The following TSPAN3 variants were observed in gnomAD, a reference collection of about 807,000 sequenced individuals.
TSPAN3 encodes tetraspanin-3.
TSPAN3 carries 9 observed loss-of-function variants against 31.1 expected under a neutral mutation model. The observed-to-expected ratio is 0.29, with a 90% CI of 0.17 to 0.50. The LOEUF (loss-of-function observed/expected upper bound fraction) is 0.50. Ranked by LOEUF, TSPAN3 falls within the 20% of genes least tolerant of loss-of-function variation. The pLI is 0.98. For missense variants in TSPAN3, 252 were observed against 313.5 expected, an observed-to-expected ratio of 0.80 and a Z score of 1.48; for synonymous variants, 129 against 114.3, an observed-to-expected ratio of 1.13 and a Z score of -0.82.
chr15:77,046,797 T>A lies in TSPAN3; in HGVS notation c.*38A>T. The stretch of plus-strand genomic sequence containing the variant: ...AGACCTGCTCAATTCACCTTCCAAA[T>A]CAGAACAAGACCAAAAAGCTCAGGC... On this transcript the variant is annotated 3_prime_UTR_variant, in exon 7 of 7. Transcript: ENST00000267970. The A allele has an allele frequency of 6.6e-7, 1 of 1,503,796 alleles. No individual in the cohort carries two copies. The highest frequency in any genetic ancestry group is 9.1e-7 in the Non-Finnish European group (1 of 1,099,532). 93.2% of individuals were successfully genotyped at this position (1,503,796 alleles called of 1,614,324 possible). A position where few individuals can be genotyped will look rare whatever the true frequency, so the allele number is the denominator to read the frequency against.
At position 77,071,078 on chromosome 15, in the gene TSPAN3, T is replaced by A; in HGVS notation, c.-124A>T. 1.7e-6 allele frequency: 1 copy of A among 598,374 alleles called. No homozygotes were observed. Among genetic ancestry groups the A allele is most frequent in the Non-Finnish European group, 2.4e-6 (1 of 422,612 alleles). 37.1% of individuals were successfully genotyped at this position (598,374 alleles called of 1,614,324 possible). A position where few individuals can be genotyped will look rare whatever the true frequency, so the allele number is the denominator to read the frequency against. ...CCTGCGCGGCGCTCCCCGCAGCCCC[T>A]GCGCCGTCGCGCAGCCCCGACCCCA... On this transcript the variant is annotated 5_prime_UTR_variant, in exon 1 of 7. Coordinates refer to ENST00000267970, the MANE Select transcript of TSPAN3 (RefSeq NM_005724.6).
At chr15:77,063,347 T>C (rs2076811478) in intron 1 of TSPAN3, 1 of 150,892 alleles carries the variant, frequency 6.6e-6, no homozygotes, top group African/African-American at 2.5e-5. Context: ...TTTATGTGTG[T>C]TTTTTTAACT....
chr15:77,056,463 T>C lies in TSPAN3; in HGVS notation c.64-208A>G, dbSNP rs151259777. The stretch of plus-strand genomic sequence containing the variant: ...CCACACTTCACCTACTTTTCACGAA[T>C]TGATGGTTCAGCTAGGACCAAGAAA... On this transcript the variant is annotated intron_variant, in intron 1 of 6. Transcript: ENST00000267970. 2.5e-3 allele frequency among the ~76,000 whole-genome samples: 381 copies of C among 151,984 alleles called. 3 individuals carry two copies. Among genetic ancestry groups the C allele is most frequent in the African/African-American group, 8.6e-3 (358 of 41,424 alleles).
In TSPAN3 at chr15:77,052,778, T is replaced by A; in HGVS notation, c.584A>T (p.Glu195Val). Residue 195 changes from glutamate (E) to valine (V), a missense_variant and splice_region_variant, in exon 5 of 7, where the codon GAG becomes GTG. Glu to Val is a moderately radical substitution (Grantham distance 121). Coordinates refer to ENST00000267970, the MANE Select transcript of TSPAN3 (RefSeq NM_005724.6). ...TCAAGTCGTGGCCAAGAGACTCACC[T>A]CAGCATAGAGGTCGGAAGGGTGGGC... ...SLAHPSDLYAEGCEALVVKKL... is the reference protein window; with the variant it reads ...SLAHPSDLYAVGCEALVVKKL... The A allele has an allele frequency of 7.4e-6, 12 of 1,613,432 alleles. No individual in the cohort carries two copies. Among genetic ancestry groups the A allele is most frequent in the Non-Finnish European group, 9.3e-6 (11 of 1,179,404 alleles).
intron 1 of TSPAN3, among the ~76,000 whole-genome samples, 165 bp downstream of exon 1, chr15:77,070,727 C>A (rs1244895304): frequency 6.6e-6 from 1 of 151,190 alleles, no homozygotes; most frequent in Non-Finnish European, 1.5e-5. Flanking sequence ...GCAGGGACCT[C>A]GCGAAGCGGC....
At chr15:77,070,274 T>TG (rs768706657) in intron 1 of TSPAN3, among the ~76,000 whole-genome samples, 4 of 152,366 alleles carry the variant, frequency 2.6e-5, no homozygotes, top group Non-Finnish European at 4.4e-5. Flanking sequence ...TCTCACAGTT[T>TG]GGTCACCCCC....
chr15:77,070,587 G>GGC (rs919533503), intron 1 of TSPAN3, among the ~76,000 whole-genome samples: 14 of 151,606 alleles, frequency 9.2e-5, no homozygotes, highest in Non-Finnish European at 1.6e-4. Context: ...GACTCCGGGG[G>GGC]GGGGAGACTG....
Position 77,052,402 on chromosome 15 carries a change from C to A in TSPAN3, c.652G>T (p.Ala218Ser), listed in dbSNP as rs763476861. 6.2e-7 allele frequency: 1 copy of A among 1,614,076 alleles called. No individual in the cohort carries two copies. Among genetic ancestry groups the A allele is most frequent in the Non-Finnish European group, 8.5e-7 (1 of 1,180,026 alleles). Residue 218 changes from alanine (A) to serine (S), a missense_variant, in exon 6 of 7, where the codon GCA becomes TCA. Transcript: ENST00000267970. ...GTGCTTACCTGAATAGCTGCAAATG[C>A]CAGTGCGGCCCAGATCACATGCATC... ...IMMHVIWAAL[A>S]FAAIQLLGML...
chr15:77,059,780 G>A (rs781516441), intron 1 of TSPAN3, among the ~76,000 whole-genome samples: 7 of 152,172 alleles, frequency 4.6e-5, no homozygotes, highest in Non-Finnish European at 7.3e-5. Context: ...GAGGCCATAT[G>A]TACTTAACAA....
intron 4 of TSPAN3, among the ~76,000 whole-genome samples, chr15:77,053,451 C>CAAAACA (rs2076745037): frequency 4.0e-5 from 2 of 50,382 alleles, no homozygotes; most frequent in East Asian, 6.4e-4. Context: ...TTCGCCATCT[C>CAAAACA]AAAAAAAAAA....
rs60483848 is a variant in TSPAN3, at chr15:77,053,451, C to CA, written c.433-523dup. On this transcript the variant is annotated intron_variant, in intron 4 of 6. Transcript: ENST00000267970. ...CAACAAGAGTGAAATTTCGCCATCT[C>CA]AAAAAAAAAAAAAAAAAAAAAAAAA... is the stretch of plus-strand genomic sequence containing the variant. 8.2e-3 allele frequency among the ~76,000 whole-genome samples: 413 copies of CA among 50,352 alleles called. 99 individuals carry two copies. The highest frequency in any genetic ancestry group is 9.4e-3 in the Middle Eastern group (1 of 106). 33.0% of individuals were successfully genotyped at this position (50,352 alleles called of 152,430 possible).
intron 1 of TSPAN3, among the ~76,000 whole-genome samples, 186 bp downstream of exon 1, chr15:77,070,706 G>A (rs558163793): frequency 9.2e-5 from 14 of 151,674 alleles, no homozygotes; most frequent in African/African-American, 2.9e-4. Context: ...CCAGGCTCCC[G>A]GCTTGGTCCG....
intron 5 of TSPAN3, 31 bp from the exon 6 acceptor site, chr15:77,052,499 G>A (rs1356944204): frequency 3.1e-6 from 5 of 1,600,476 alleles, no homozygotes; most frequent in Non-Finnish European, 4.3e-6. Context: ...CTCGTTAGAA[G>A]TGTTCTTTAA....
At chr15:77,055,728 TTTACTTGAAA>T (rs1278170605) in intron 3 of TSPAN3, 51 bp downstream of exon 3, 1 of 1,310,818 alleles carries the variant, frequency 7.6e-7, no homozygotes, top group East Asian at 2.3e-5. Context: ...TGTGTTCTAT[TTTACTTGAAA>T]CACTTAAACC....
At chr15:77,069,801 G>A (rs2076855491) in intron 1 of TSPAN3, 1 of 152,418 alleles carries the variant, frequency 6.6e-6, no homozygotes, top group Admixed American at 6.5e-5. Flanking sequence ...GCACAGTATG[G>A]TTAACCGGAA....
At chr15:77,068,394 T>C (rs998654336) in intron 1 of TSPAN3, 1 of 152,196 alleles carries the variant, frequency 6.6e-6, no homozygotes, top group Admixed American at 6.5e-5. Context: ...TTACACAATA[T>C]CCAAAGATTC....
At chr15:77,046,968 C>A (rs755822955) in intron 6 of TSPAN3, 41 bp from the exon 7 acceptor site, 35 of 1,471,658 alleles carry the variant, frequency 2.4e-5, no homozygotes, top group African/African-American at 4.2e-5. Flanking sequence ...AGGCTGAAAA[C>A]CCTCTCATGG....
At chr15:77,053,727 A>C (rs909870795) in intron 4 of TSPAN3, among the ~76,000 whole-genome samples, 1 of 152,164 alleles carries the variant, frequency 6.6e-6, no homozygotes, top group Non-Finnish European at 1.5e-5. Flanking sequence ...GGGTGCAAAC[A>C]TCTATTACAC....
At chr15:77,047,309 C>A (rs569468780) in intron 6 of TSPAN3, among the ~76,000 whole-genome samples, 1 of 152,282 alleles carries the variant, frequency 6.6e-6, no homozygotes, top group African/African-American at 2.4e-5. Context: ...AACTGAGTTG[C>A]ACTTTTAATT....
Sources: allele counts gnomAD v4.1 joint callset (sites outside exome capture counted in the v4.1 genomes callset), GRCh38; gene constraint gnomAD v4.1.1; transcripts MANE v1.5; gene names NCBI Gene and HGNC (gene_info 2026-07-23, HGNC 2026-07-21).